CALML4: variants seen among roughly 807,000 people sequenced by gnomAD.
CALML4 encodes calmodulin-like protein 4.
A neutral mutation model predicts 17.9 loss-of-function variants in CALML4; 16 were observed. The ratio of observed to expected loss-of-function variants is 0.89; its 90% CI spans 0.61 to 1.36. CALML4 has a LOEUF of 1.36. Ranked by LOEUF, CALML4 falls within the 40% of genes most tolerant of loss-of-function variation. The pLI, the probability that CALML4 is intolerant of heterozygous loss-of-function variation, is 0.00. For synonymous variants in CALML4, 86 were observed against 71.5 expected (o/e 1.20, Z -1.02); for missense variants, 203 against 194.8 (o/e 1.04, Z -0.25).
In CALML4 at chr15:68,191,874, G is replaced by T. The variant is rs1595806028; in HGVS notation, c.*2141C>A. ...ATAGGATCTTAGACTCTGGACCACTGAATCCCTTAATGAGCAGGGAGTCCG... is the reference window on the plus strand; with the variant it reads ...ATAGGATCTTAGACTCTGGACCACTTAATCCCTTAATGAGCAGGGAGTCCG... On this transcript the variant is annotated 3_prime_UTR_variant, in exon 5 of 5. Transcript: ENST00000467889. 1 of 152,308 alleles carries T rather than the reference G, an allele frequency of 6.6e-6. No homozygotes were observed. The highest frequency in any genetic ancestry group is 1.9e-4 in the East Asian group (1 of 5,190). The allele number at this position is 152,308 out of a possible 1,614,324, so 9.4% of individuals were successfully genotyped here.
rs762688957 is a variant in CALML4 at position 68,192,382 on chromosome 15, G to C, written c.*1633C>G. 6.6e-6 allele frequency: 1 copy of C among 152,194 alleles called. No individual in the cohort carries two copies. 9.4% of individuals were successfully genotyped at this position (152,194 alleles called of 1,614,324 possible). ...CCAGAAATTCTGCATTTCTGTTTTT[G>C]TATTCTTAAGGCAGCCAAATCTCGT... On this transcript the variant is annotated 3_prime_UTR_variant, in exon 5 of 5. Transcript: ENST00000467889.
chr15:68,202,189 CTGGATGTTTAACCACCAGCTCTGA>C (rs1460954050), intron 2 of CALML4, among the ~76,000 whole-genome samples: 1 of 152,252 alleles, frequency 6.6e-6, no homozygotes, highest in Non-Finnish European at 1.5e-5. Context: ...ACCAGCTGTG[CTGGATGTTTAACCACCAGCTCTGA>C]TCATAAATGT....
In CALML4 at chr15:68,204,031, A is replaced by C. The variant is rs1031238717; in HGVS notation, c.34+1090T>G. Reference sequence around the variant, plus strand: ...CAGTCCACCATTCATTATCACCGTTAGACCTGGACAAGAGGGCACTGCCCC... The same window carrying C: ...CAGTCCACCATTCATTATCACCGTTCGACCTGGACAAGAGGGCACTGCCCC... On this transcript the variant is annotated intron_variant, in intron 2 of 4. Transcript: ENST00000467889. The surrounding 1 kb of genome is among the most constrained non-coding windows in gnomAD (Gnocchi z 6.0). Among the ~76,000 whole-genome samples, 3 of 152,180 alleles carry C rather than the reference A, an allele frequency of 2.0e-5. No individual in the cohort carries two copies. Among genetic ancestry groups the C allele is most frequent in the African/African-American group, 7.2e-5 (3 of 41,454 alleles).
At chr15:68,198,703 G>GA (rs1377085144) in intron 3 of CALML4, 4 of 152,100 alleles carry the variant, frequency 2.6e-5, no homozygotes, top group Non-Finnish European at 5.9e-5. Context: ...TAACATCTTG[G>GA]ATGGGTTTTC....
chr15:68,199,805 T>C (rs879578737), intron 2 of CALML4, 124 bp from the exon 3 acceptor site: 42 of 1,063,578 alleles, frequency 3.9e-5, no homozygotes, highest in Middle Eastern at 4.8e-4. Flanking sequence ...CATCCCTCTC[T>C]CCCCTCCCAA....
intron 2 of CALML4, among the ~76,000 whole-genome samples, chr15:68,201,311 G>C (rs1296978513): frequency 2.0e-5 from 3 of 152,250 alleles, no homozygotes; most frequent in Non-Finnish European, 4.4e-5. Context: ...CCTGGCCTAA[G>C]ACCCCAGGTT....
upstream of CALML4, chr15:68,205,497 C>G (rs909730915): frequency 5.6e-6 from 7 of 1,247,688 alleles, no homozygotes; most frequent in Non-Finnish European, 7.8e-6. This position sits in a 1 kb window ranked among gnomAD's most constrained non-coding sequence, Gnocchi z 4.8. Flanking sequence ...TCCCTGGGCT[C>G]AGAGTCTCTG....
Position 68,197,450 on chromosome 15 carries a change from G to A in CALML4, c.354C>T (p.Thr118=). 6.2e-7 allele frequency: 1 copy of A among 1,613,756 alleles called. No homozygotes were observed. The highest frequency in any genetic ancestry group is 2.2e-5 in the East Asian group (1 of 44,844). The change falls in exon 4 of 5, where the codon ACC becomes ACT. Residue 118 remains threonine, a synonymous_variant. Transcript: ENST00000467889. This position sits in a 1 kb window ranked among gnomAD's most constrained non-coding sequence, Gnocchi z 4.1. The part of the protein sequence containing the change: ...SKLTSLGEKL[T]HKEVDDLFRE... ...GACCCAGGCTGTTACCTTCCTTGTG[G>A]GTGAGCTTCTCCCCCAGACTCGTGA...
upstream of CALML4, chr15:68,205,683 G>A (rs1243599867): frequency 5.6e-6 from 2 of 356,532 alleles, no homozygotes; most frequent in African/African-American, 4.1e-5. The surrounding 1 kb of genome is among the most constrained non-coding windows in gnomAD (Gnocchi z 4.8). Flanking sequence ...ACACCATCTT[G>A]TAGGAGGAAG....
In CALML4 at chr15:68,193,878, T is replaced by A. The variant is rs905420265; in HGVS notation, c.*137A>T. On this transcript the variant is annotated 3_prime_UTR_variant, in exon 5 of 5. Transcript: ENST00000467889. ...GAAATCATCTATTATTGTTGCTAGT[T>A]AGCCTCTCTTCTATAGTTGGGTAAT... The A allele has an allele frequency of 2.3e-5, 14 of 621,156 alleles. No homozygotes were observed. Among genetic ancestry groups the A allele is most frequent in the Non-Finnish European group, 3.8e-5 (13 of 343,674 alleles). 38.5% of individuals were successfully genotyped at this position (621,156 alleles called of 1,614,324 possible). A position where few individuals can be genotyped will look rare whatever the true frequency, so the allele number is the denominator to read the frequency against.
Position 68,191,936 on chromosome 15 carries a change from C to CCAA in CALML4, c.*2076_*2078dup, listed in dbSNP as rs978027434. 4 of 152,186 alleles carry CCAA rather than the reference C, an allele frequency of 2.6e-5. No individual in the cohort carries two copies. Among genetic ancestry groups the CCAA allele is most frequent in the African/African-American group, 9.7e-5 (4 of 41,448 alleles). The allele number at this position is 152,186 out of a possible 1,614,324, so 9.4% of individuals were successfully genotyped here. A position where few individuals can be genotyped will look rare whatever the true frequency, so the allele number is the denominator to read the frequency against. Reference sequence around the variant, plus strand: ...CCCAGGTTCTAATGACCATTCCACACCAACTGTGTGTTTTTGGCAAGTTAT... The same window carrying CCAA: ...CCCAGGTTCTAATGACCATTCCACACCAACAACTGTGTGTTTTTGGCAAGTTAT... On this transcript the variant is annotated 3_prime_UTR_variant, in exon 5 of 5. Transcript: ENST00000467889.
At chr15:68,203,665 G>C (rs2093172748) in intron 2 of CALML4, among the ~76,000 whole-genome samples, 1 of 152,180 alleles carries the variant, frequency 6.6e-6, no homozygotes, top group African/African-American at 2.4e-5. Flanking sequence ...CGTCCAGCAT[G>C]TAACTGACAT....
rs2093118393 is a variant in CALML4 at position 68,191,237 on chromosome 15, C to T, written c.*2778G>A. ...ATAAAGTTACCATAAATTCCATGAACTTAAATCTGTGATTCATTGCCTTAA... is the reference window on the plus strand; with the variant it reads ...ATAAAGTTACCATAAATTCCATGAATTTAAATCTGTGATTCATTGCCTTAA... On this transcript the variant is annotated 3_prime_UTR_variant, in exon 5 of 5. Transcript: ENST00000467889. 1.3e-5 allele frequency: 2 copies of T among 152,608 alleles called. No homozygotes were observed. Among genetic ancestry groups the T allele is most frequent in the Non-Finnish European group, 2.9e-5 (2 of 68,036 alleles). The allele number at this position is 152,608 out of a possible 1,614,324, so 9.5% of individuals were successfully genotyped here. A position where few individuals can be genotyped will look rare whatever the true frequency, so the allele number is the denominator to read the frequency against.
upstream of CALML4, chr15:68,205,986 G>C (rs2093182844): frequency 6.5e-6 from 1 of 153,488 alleles, no homozygotes. The surrounding 1 kb of genome is among the most constrained non-coding windows in gnomAD (Gnocchi z 4.8). Context: ...GGAGGGGCCT[G>C]AGCCGGGTCT....
At position 68,197,771 on chromosome 15, in the gene CALML4, G is replaced by C; in HGVS notation, c.176-143C>G. On this transcript the variant is annotated intron_variant, in intron 3 of 4. Coordinates refer to ENST00000467889, the MANE Select transcript of CALML4 (RefSeq NM_033429.3). This position sits in a 1 kb window ranked among gnomAD's most constrained non-coding sequence, Gnocchi z 4.1. The stretch of plus-strand genomic sequence containing the variant: ...GATGTGGCAGTGGTCACAGTGAAGA[G>C]GATGCATCCCCTCCCACCGAGTTCC... 1.5e-6 allele frequency: 1 copy of C among 682,824 alleles called. No individual in the cohort carries two copies. Among genetic ancestry groups the C allele is most frequent in the South Asian group, 1.9e-5 (1 of 52,026 alleles). The allele number at this position is 682,824 out of a possible 1,614,324, so 42.3% of individuals were successfully genotyped here. A position where few individuals can be genotyped will look rare whatever the true frequency, so the allele number is the denominator to read the frequency against.
At position 68,197,347 on chromosome 15, in the gene CALML4, G is replaced by A. The variant is rs928611100; in HGVS notation, c.364+93C>T. On this transcript the variant is annotated intron_variant, in intron 4 of 4. Coordinates refer to ENST00000467889, the MANE Select transcript of CALML4 (RefSeq NM_033429.3). The surrounding 1 kb of genome is among the most constrained non-coding windows in gnomAD (Gnocchi z 4.1). ...GCGCGCGCATCAACAGAGGTGGTCT[G>A]TACCACCCTGGTGGCATCAGCTAGG... 47 of 1,277,820 alleles carry A rather than the reference G, an allele frequency of 3.7e-5. No homozygotes were observed. The highest frequency in any genetic ancestry group is 1.5e-5 in the Non-Finnish European group (14 of 908,494). The allele number at this position is 1,277,820 out of a possible 1,614,324, so 79.2% of individuals were successfully genotyped here. A position where few individuals can be genotyped will look rare whatever the true frequency, so the allele number is the denominator to read the frequency against.
Position 68,193,863 on chromosome 15 carries a change from A to T in CALML4, c.*152T>A. The T allele has an allele frequency of 1.7e-6, 1 of 604,020 alleles. No homozygotes were observed. 37.4% of individuals were successfully genotyped at this position (604,020 alleles called of 1,614,324 possible). A position where few individuals can be genotyped will look rare whatever the true frequency, so the allele number is the denominator to read the frequency against. On this transcript the variant is annotated 3_prime_UTR_variant, in exon 5 of 5. Coordinates refer to ENST00000467889, the MANE Select transcript of CALML4 (RefSeq NM_033429.3). ...ACTCATACCATGGCTGAAATCATCT[A>T]TTATTGTTGCTAGTTAGCCTCTCTT...
Position 68,194,067 on chromosome 15 carries a change from ACTTT to A in CALML4, c.406_409del (p.Lys136Ter). The A allele has an allele frequency of 1.2e-6, 2 of 1,614,096 alleles. No individual in the cohort carries two copies. Among genetic ancestry groups the A allele is most frequent in the Non-Finnish European group, 1.7e-6 (2 of 1,179,980 alleles). On this transcript the variant is annotated frameshift_variant, in exon 5 of 5. Transcript: ENST00000467889. LOFTEE classifies it high-confidence loss of function. ...CTTGTGGATAAATTCATCATACTTC[ACTTT>A]GCCATTGGGTTCGATATCTGCTTCC...
At chr15:68,203,653 A>G (rs1412950998) in intron 2 of CALML4, among the ~76,000 whole-genome samples, 1 of 152,174 alleles carries the variant, frequency 6.6e-6, no homozygotes, top group African/African-American at 2.4e-5. Context: ...TGCCTGGCCC[A>G]GCGTCCAGCA....
Sources: allele counts gnomAD v4.1 joint callset (sites outside exome capture counted in the v4.1 genomes callset), GRCh38; gene constraint gnomAD v4.1.1; non-coding constraint Gnocchi (gnomAD v3.1); transcripts MANE v1.5; gene names NCBI Gene and HGNC (gene_info 2026-07-23, HGNC 2026-07-21).